Variants in KCP observed in about 807,000 individuals in gnomAD.
KCP encodes the protein kielin cysteine rich BMP regulator, also known as kielin/chordin-like protein.
KCP carries 194 observed loss-of-function variants against 212.7 expected under a neutral mutation model. The observed-to-expected ratio is 0.91, with a 90% CI of 0.81 to 1.03. The LOEUF is 1.03. Ranked by LOEUF, KCP falls within the 50% of genes least tolerant of loss-of-function variation. The pLI, the probability that KCP is intolerant of heterozygous loss-of-function variation, is 0.00. For synonymous variants in KCP, 833 were observed against 865.3 expected (o/e 0.96, Z 0.65); for missense variants, 2,080 against 2,162.5 (o/e 0.96, Z 0.76).
chr7:128,900,172 C>A (rs575628561), intron 8 of KCP, among the ~76,000 whole-genome samples: 88 of 152,272 alleles, frequency 5.8e-4, no homozygotes, highest in African/African-American at 2.0e-3. Context: ...AATAATCATT[C>A]TTGCGGCACT....
chr7:128,888,445 C>T (rs766796692), intron 22 of KCP, among the ~76,000 whole-genome samples: 10 of 150,056 alleles, frequency 6.7e-5, no homozygotes, highest in Middle Eastern at 3.5e-3. Flanking sequence ...CATATACACA[C>T]GGCCACACAC....
intron 22 of KCP, among the ~76,000 whole-genome samples, chr7:128,887,729 C>T (rs1265572435): frequency 2.0e-5 from 3 of 146,460 alleles, no homozygotes; most frequent in Non-Finnish European, 4.5e-5. Flanking sequence ...ACACACACAG[C>T]CACACCCACA....
At chr7:128,899,853 C>G in intron 8 of KCP, among the ~76,000 whole-genome samples, 1 of 152,152 alleles carries the variant, frequency 6.6e-6, no homozygotes, top group African/African-American at 2.4e-5. Flanking sequence ...TGTAAGGAAT[C>G]ATGATTCCTT....
chr7:128,886,606 A>T lies in KCP; in HGVS notation c.2772+49T>A, dbSNP rs367924833. 1.9e-6 allele frequency: 3 copies of T among 1,550,682 alleles called. No homozygotes were observed. In the Admixed American group the frequency reaches 5.9e-5, roughly 30 times the overall value. ...GCTCGCTGCCTAGGCTGGGGCCCAG[A>T]GGTGCTATGGTCCAGCTGTCACTCC... is the stretch of plus-strand genomic sequence containing the variant. On this transcript the variant is annotated intron_variant, in intron 25 of 39. Transcript: ENST00000610776.
chr7:128,892,005 A>G lies in KCP; in HGVS notation c.1622-186T>C, dbSNP rs1009135088. ...TGAGCACACACGAGTGTGCGTGCGC[A>G]TTGGGGGTCATTCACCTGCAGGCAG... On this transcript the variant is annotated intron_variant, in intron 16 of 39. Transcript: ENST00000610776. Among the ~76,000 whole-genome samples, 6 of 152,260 alleles carry G rather than the reference A, an allele frequency of 3.9e-5. No individual in the cohort carries two copies. In the East Asian group the frequency reaches 1.2e-3, roughly 29 times the overall value.
intron 31 of KCP, 64 bp from the exon 32 acceptor site, chr7:128,881,149 C>T: frequency 5.0e-6 from 2 of 399,014 alleles, no homozygotes; most frequent in Non-Finnish European, 8.8e-6. Context: ...CTCCTTGGAG[C>T]TTACCCAGCA....
intron 8 of KCP, among the ~76,000 whole-genome samples, chr7:128,900,842 C>G (rs953225618): frequency 6.6e-6 from 1 of 152,210 alleles, no homozygotes; most frequent in African/African-American, 2.4e-5. Flanking sequence ...CCCTCTGCAC[C>G]CCTTAGGATC....
In KCP at chr7:128,910,613, C is replaced by T. The variant is rs1366913933; in HGVS notation, c.64G>A (p.Ala22Thr). Residue 22 changes from alanine (A) to threonine (T), a missense_variant, in exon 1 of 40, where the codon GCG becomes ACG. Physicochemically the swap from Ala to Thr is moderately conservative, Grantham distance 58. Transcript: ENST00000610776. ...CACCTGGACTCACCTTCCGCGCCCG[C>T]GGCCAGCGCCAGGGCCCCGAGGTGC... The part of the protein sequence containing the change: ...LLHLGALALA[A>T]GAEGGAVPRE... 12 of 1,515,084 alleles carry T rather than the reference C, an allele frequency of 7.9e-6. 1 individual carries two copies. Among genetic ancestry groups the T allele is most frequent in the Admixed American group, 6.1e-5 (3 of 49,306 alleles). 93.9% of individuals were successfully genotyped at this position (1,515,084 alleles called of 1,614,324 possible). A position where few individuals can be genotyped will look rare whatever the true frequency, so the allele number is the denominator to read the frequency against.
chr7:128,906,410 G>A (rs1408470229), intron 4 of KCP, 47 bp from the exon 5 acceptor site: 6 of 1,332,098 alleles, frequency 4.5e-6, no homozygotes, highest in Non-Finnish European at 6.3e-6. Flanking sequence ...GATTCCTGGA[G>A]GGCAGGGCCT....
chr7:128,903,960 C>T, intron 6 of KCP, 96 bp downstream of exon 6: 1 of 1,362,256 alleles, frequency 7.3e-7, no homozygotes, highest in Non-Finnish European at 1.0e-6. Context: ...TCTCGGGAGG[C>T]ATGTGAGGGG....
At chr7:128,880,353 A>C (rs1585194441) in intron 34 of KCP, 33 bp downstream of exon 34, 1 of 1,352,466 alleles carries the variant, frequency 7.4e-7, no homozygotes, top group Non-Finnish European at 1.0e-6. Flanking sequence ...CCCCACCCTG[A>C]CCCTCCCCAC....
At chr7:128,902,887 G>C in intron 7 of KCP, 28 bp from the exon 8 acceptor site, 14 of 1,517,756 alleles carry the variant, frequency 9.2e-6, no homozygotes, top group Non-Finnish European at 1.3e-5. Context: ...AGAAGAGGGA[G>C]GCCTGGTGGG....
chr7:128,904,155 G>A lies in KCP; in HGVS notation c.572-17C>T, dbSNP rs1428140012. ...AATCACAGCCTGGGAAGGTTGGCAG[G>A]ATGACAAGTGGGTCACCAGGCAGCA... On this transcript the variant is annotated splice_polypyrimidine_tract_variant and intron_variant, in intron 5 of 39. Coordinates refer to ENST00000610776, the MANE Select transcript of KCP (RefSeq NM_001366122.1). 1.9e-6 allele frequency: 3 copies of A among 1,550,038 alleles called. No individual in the cohort carries two copies. Among genetic ancestry groups the A allele is most frequent in the Non-Finnish European group, 1.7e-6 (2 of 1,145,498 alleles).
chr7:128,891,115 T>G lies in KCP; in HGVS notation c.1973-19A>C. On this transcript the variant is annotated intron_variant, in intron 19 of 39. Transcript: ENST00000610776. ...GGGGCGGCTGCGGCGAGACAGCGCA[T>G]CAAAGGGGCCCAGGAACAGGCCTCC... 1 of 1,502,904 alleles carries G rather than the reference T, an allele frequency of 6.7e-7. No homozygotes were observed. The highest frequency in any genetic ancestry group is 8.9e-7 in the Non-Finnish European group (1 of 1,127,800). The allele number at this position is 1,502,904 out of a possible 1,614,324, so 93.1% of individuals were successfully genotyped here.
At chr7:128,883,671 T>C (rs948541489) in intron 29 of KCP, among the ~76,000 whole-genome samples, 1 of 152,226 alleles carries the variant, frequency 6.6e-6, no homozygotes, top group Non-Finnish European at 1.5e-5. Flanking sequence ...ATTTTTACTC[T>C]AACAACGACA....
At position 128,885,006 on chromosome 7, in the gene KCP, C is replaced by T. The variant is rs558077158; in HGVS notation, c.3040+91G>A. 1.9e-4 allele frequency: 289 copies of T among 1,527,140 alleles called. 3 individuals carry two copies. The African/African-American group carries it at 3.3e-3, about 18-fold the overall frequency. The allele number at this position is 1,527,140 out of a possible 1,614,324, so 94.6% of individuals were successfully genotyped here. On this transcript the variant is annotated intron_variant, in intron 27 of 39. Coordinates refer to ENST00000610776, the MANE Select transcript of KCP (RefSeq NM_001366122.1). ...GGACGGAGGCCACTTCTCCAACTGC[C>T]TGTCTCTGCCACCCGGCCCAGCAGC...
chr7:128,910,062 G>A (rs1213054197), intron 1 of KCP, among the ~76,000 whole-genome samples: 1 of 152,178 alleles, frequency 6.6e-6, no homozygotes, highest in African/African-American at 2.4e-5. Flanking sequence ...ATGGGAGCCC[G>A]GGAGAAGCTG....
chr7:128,910,495 G>C, intron 1 of KCP, 106 bp downstream of exon 1: 1 of 1,078,820 alleles, frequency 9.3e-7, no homozygotes, highest in Non-Finnish European at 1.3e-6. Flanking sequence ...ACCTCAGGCA[G>C]GGCTAAGAGC....
chr7:128,893,151 G>C, intron 13 of KCP, 87 bp downstream of exon 13: 1 of 1,353,408 alleles, frequency 7.4e-7, no homozygotes, highest in Non-Finnish European at 1.0e-6. Context: ...TTAGCAACCC[G>C]TACCCCGTCC....
Sources: gnomAD v4.1 joint callset for allele counts (sites outside exome capture counted in the v4.1 genomes callset) on GRCh38, gnomAD v4.1.1 for gene constraint, MANE v1.5 for transcripts, NCBI Gene and HGNC (gene_info 2026-07-23, HGNC 2026-07-21) for gene names.